DNAJC7: variants seen among roughly 807,000 people sequenced by gnomAD.
The protein encoded by DNAJC7 is dnaJ homolog subfamily C member 7.
In DNAJC7, 18 loss-of-function variants were observed where a neutral mutation model predicts 67.4. That is an observed-to-expected ratio of 0.27 (90% CI 0.18 to 0.40). The LOEUF (loss-of-function observed/expected upper bound fraction) is 0.40, where lower values mean the gene tolerates loss of function less well. DNAJC7 is among the 10% of genes least tolerant of loss of function. The pLI, the probability that DNAJC7 is intolerant of heterozygous loss-of-function variation, is 1.00. For missense variants in DNAJC7, 419 were observed against 613.8 expected, an observed-to-expected ratio of 0.68 and a Z score of 3.35; for synonymous variants, 220 against 207.8, an observed-to-expected ratio of 1.06 and a Z score of -0.50.
chr17:41,994,818 T>C, intron 5 of DNAJC7, 52 bp downstream of exon 5: 2 of 1,513,170 alleles, frequency 1.3e-6, no homozygotes, highest in Non-Finnish European at 1.8e-6. Context: ...CACACACGAA[T>C]GGGAATTTTG....
At chr17:42,001,467 C>G (rs1210580348) in intron 1 of DNAJC7, among the ~76,000 whole-genome samples, 1 of 152,188 alleles carries the variant, frequency 6.6e-6, no homozygotes, top group Admixed American at 6.5e-5. Context: ...AGAATCAAAT[C>G]AGACATGACC....
Position 41,997,117 on chromosome 17 carries a change from G to A in DNAJC7, c.289C>T (p.Arg97Trp), listed in dbSNP as rs2051682149. 3 of 1,613,812 alleles carry A rather than the reference G, an allele frequency of 1.9e-6. No individual in the cohort carries two copies. The highest frequency in any genetic ancestry group is 2.5e-6 in the Non-Finnish European group (3 of 1,179,790). ...QSVRLDDSFVRGHLREGKCHL... is the reference protein window; with the variant it reads ...QSVRLDDSFVWGHLREGKCHL... ...AAACAGCCCCATTACATACATACCC[G>A]GACAAAACTGTCATCCAACCTCACT... The change falls in exon 3 of 14, where the codon CGG becomes TGG. Residue 97 changes from arginine to tryptophan, a missense_variant and splice_region_variant. This residue lies in a region of DNAJC7 where 179 missense variants were observed against 249.7 expected (regional missense o/e 0.72). Transcript: ENST00000457167.
At chr17:41,988,426 T>C (rs2051435085) in intron 8 of DNAJC7, among the ~76,000 whole-genome samples, 1 of 152,196 alleles carries the variant, frequency 6.6e-6, no homozygotes, top group Admixed American at 6.5e-5. Flanking sequence ...ATCACTTGCA[T>C]AAGCAAAACA....
chr17:42,011,442 G>C (rs2052114142), intron 1 of DNAJC7: 1 of 152,148 alleles, frequency 6.6e-6, no homozygotes, highest in South Asian at 2.1e-4. Context: ...ATGTGGATCT[G>C]AACTAAAGCA....
chr17:41,977,203 G>C, intron 13 of DNAJC7, 58 bp downstream of exon 13: 3 of 1,521,412 alleles, frequency 2.0e-6, no homozygotes, highest in Non-Finnish European at 2.7e-6. Flanking sequence ...CTGCCTAAGA[G>C]GCAATGAGTG....
intron 1 of DNAJC7, among the ~76,000 whole-genome samples, chr17:42,007,237 C>CT (rs2143318036): frequency 1.3e-5 from 2 of 152,244 alleles, no homozygotes; most frequent in East Asian, 3.9e-4. Flanking sequence ...TCGCCTTACT[C>CT]TATGATTGTT....
intron 12 of DNAJC7, 33 bp from the exon 13 acceptor site, chr17:41,977,356 G>A: frequency 6.5e-7 from 1 of 1,540,040 alleles, no homozygotes; most frequent in Non-Finnish European, 8.8e-7. Flanking sequence ...TGGAAGGGAA[G>A]AAAAGGTGAA....
intron 1 of DNAJC7, among the ~76,000 whole-genome samples, chr17:42,012,479 C>G (rs1483446332): frequency 6.6e-6 from 1 of 152,090 alleles, no homozygotes; most frequent in African/African-American, 2.4e-5. Context: ...GAGACTCCGT[C>G]AAAAAGAAAA....
chr17:42,017,381 C>T lies in DNAJC7; in HGVS notation c.36G>A (p.Ala12=). The T allele has an allele frequency of 6.2e-7, 1 of 1,610,396 alleles. No homozygotes were observed. The highest frequency in any genetic ancestry group is 8.5e-7 in the Non-Finnish European group (1 of 1,179,876). The part of the protein sequence containing the change: ...AAAAECDVVM[A]ATEPELLDDQ... ...CGTCGAGCAGCTCCGGCTCGGTCGCCGCCATTACCACATCGCACTCCGCGG... is the reference window on the plus strand; with the variant it reads ...CGTCGAGCAGCTCCGGCTCGGTCGCTGCCATTACCACATCGCACTCCGCGG... Residue 12 remains alanine, a synonymous_variant, in exon 1 of 14, where the codon GCG becomes GCA. Coordinates refer to ENST00000457167, the MANE Select transcript of DNAJC7 (RefSeq NM_003315.4).
intron 2 of DNAJC7, among the ~76,000 whole-genome samples, chr17:42,000,225 T>G (rs1448665043): frequency 6.7e-6 from 1 of 149,800 alleles, no homozygotes; most frequent in Non-Finnish European, 1.5e-5. Context: ...TTCAGGCAAT[T>G]CTCCTGCCTC....
intron 1 of DNAJC7, chr17:42,017,116 C>A (rs1271443352): frequency 1.4e-6 from 2 of 1,448,162 alleles, no homozygotes; most frequent in Admixed American, 5.3e-5. Context: ...AGCTGGAGAA[C>A]AAGGCCATGC....
At chr17:41,976,908 G>GA in intron 13 of DNAJC7, 138 bp from the exon 14 acceptor site, 2 of 1,111,776 alleles carry the variant, frequency 1.8e-6, no homozygotes, top group Non-Finnish European at 2.5e-6. Flanking sequence ...AAACAGCTCA[G>GA]GCTGTTTTTG....
intron 4 of DNAJC7, 134 bp downstream of exon 4, chr17:41,996,177 T>A: frequency 2.6e-6 from 2 of 756,776 alleles, no homozygotes; most frequent in South Asian, 1.7e-5. Context: ...AGAGAGGCTA[T>A]GAAACTCGCC....
intron 2 of DNAJC7, among the ~76,000 whole-genome samples, chr17:41,999,562 C>T (rs2143262939): frequency 6.6e-6 from 1 of 152,152 alleles, no homozygotes; most frequent in African/African-American, 2.4e-5. Context: ...TGGTCGTCCC[C>T]CAGGCTGGAG....
intron 12 of DNAJC7, 134 bp from the exon 13 acceptor site, chr17:41,977,457 T>G: frequency 1.3e-6 from 1 of 777,042 alleles, no homozygotes; most frequent in Non-Finnish European, 2.1e-6. Flanking sequence ...TTCCCAACAC[T>G]TCAGACTGCA....
In DNAJC7 at chr17:41,976,649, TGAAG is replaced by T; in HGVS notation, c.*80_*83del. The T allele has an allele frequency of 6.4e-7, 1 of 1,550,878 alleles. No homozygotes were observed. The highest frequency in any genetic ancestry group is 1.1e-5 in the South Asian group (1 of 87,072). On this transcript the variant is annotated 3_prime_UTR_variant, in exon 14 of 14. Coordinates refer to ENST00000457167, the MANE Select transcript of DNAJC7 (RefSeq NM_003315.4). ...CTGCTCTAAGCACACGGAGACGTGA[TGAAG>T]GGAGGAGGTGAACTGTTTCCACATT...
At chr17:41,982,143 A>G in intron 11 of DNAJC7, 112 bp downstream of exon 11, 1 of 1,547,502 alleles carries the variant, frequency 6.5e-7, no homozygotes, top group Non-Finnish European at 8.7e-7. Context: ...AGTCTGCAAC[A>G]CCTTATTCTC....
chr17:42,007,503 C>A (rs2051998588), intron 1 of DNAJC7, among the ~76,000 whole-genome samples: 1 of 152,116 alleles, frequency 6.6e-6, no homozygotes, highest in African/African-American at 2.4e-5. Flanking sequence ...AAAAGCATAT[C>A]ATTTAGATTC....
At chr17:42,000,412 A>G in intron 2 of DNAJC7, 70 bp downstream of exon 2, 1 of 1,067,506 alleles carries the variant, frequency 9.4e-7, no homozygotes, top group South Asian at 1.5e-5. Flanking sequence ...AGCCACCAGG[A>G]CTTGGCAGCT....
Sources: gnomAD v4.1 joint callset for allele counts (sites outside exome capture counted in the v4.1 genomes callset) on GRCh38, gnomAD v4.1.1 for gene constraint, gnomAD v4.1.1 regional missense constraint, MANE v1.5 for transcripts, NCBI Gene and HGNC (gene_info 2026-07-23, HGNC 2026-07-21) for gene names.